Variants in PCGF2 observed in about 807,000 individuals in gnomAD.
The protein encoded by PCGF2 is polycomb group ring finger 2, also known as polycomb group RING finger protein 2.
A neutral mutation model predicts 36.1 loss-of-function variants in PCGF2; 8 were observed. That is an observed-to-expected ratio of 0.22 (90% CI 0.13 to 0.40). The LOEUF is 0.40. PCGF2 is among the 10% of genes least tolerant of loss of function. The pLI, the probability that PCGF2 is intolerant of heterozygous loss-of-function variation, is 1.00. For missense variants in PCGF2, 436 were observed against 475.9 expected (o/e 0.92, Z 0.78); for synonymous variants, 198 against 191.2 (o/e 1.04, Z -0.29).
intron 2 of PCGF2, among the ~76,000 whole-genome samples, 192 bp downstream of exon 2, chr17:38,747,687 C>A (rs1907627200): frequency 6.6e-6 from 1 of 152,202 alleles, no homozygotes; most frequent in South Asian, 2.1e-4. Context: ...AAAGCACATC[C>A]CCTTCTGCCG....
In PCGF2 at chr17:38,748,335, G is replaced by A. The variant is rs945252965; in HGVS notation, c.-273C>T. 4.8e-5 allele frequency: 7 copies of A among 145,028 alleles called. No homozygotes were observed. The highest frequency in any genetic ancestry group is 1.1e-4 in the Non-Finnish European group (7 of 65,788). The allele number at this position is 145,028 out of a possible 1,614,324, so 9.0% of individuals were successfully genotyped here. The stretch of plus-strand genomic sequence containing the variant: ...TACGGTAAGAAAGGAGTTTGTGAAA[G>A]CGGCTTGGGGTGGGAGGGAGAGGGG... On this transcript the variant is annotated 5_prime_UTR_variant, in exon 1 of 11. Transcript: ENST00000620225.
intron 2 of PCGF2, among the ~76,000 whole-genome samples, chr17:38,740,828 C>G (rs535542718): frequency 6.6e-6 from 1 of 152,208 alleles, no homozygotes; most frequent in Non-Finnish European, 1.5e-5. Flanking sequence ...CACCTCCCCC[C>G]ACCAGCACAT....
chr17:38,737,763 T>G (rs1475692934), intron 9 of PCGF2, among the ~76,000 whole-genome samples: 1 of 151,566 alleles, frequency 6.6e-6, no homozygotes, highest in African/African-American at 2.4e-5. Context: ...ACTACAAAAA[T>G]TAGCCAGGTG....
At chr17:38,735,975 C>T in intron 10 of PCGF2, 115 bp downstream of exon 10, 1 of 762,646 alleles carries the variant, frequency 1.3e-6, no homozygotes, top group Non-Finnish European at 2.2e-6. Context: ...GGACATGCAG[C>T]TCATGGGATA....
In PCGF2 at chr17:38,739,520, C is replaced by G; in HGVS notation, c.209+66G>C. 4.8e-6 allele frequency: 6 copies of G among 1,258,266 alleles called. No homozygotes were observed. The highest frequency in any genetic ancestry group is 7.0e-6 in the Non-Finnish European group (6 of 855,992). The allele number at this position is 1,258,266 out of a possible 1,614,324, so 77.9% of individuals were successfully genotyped here. A position where few individuals can be genotyped will look rare whatever the true frequency, so the allele number is the denominator to read the frequency against. The stretch of plus-strand genomic sequence containing the variant: ...CGCCTTGGCTGAAGGAAGCACGGAG[C>G]GTGGGAGGGATGGGGGAGGCTGACC... On this transcript the variant is annotated intron_variant, in intron 4 of 10. Coordinates refer to ENST00000620225, the MANE Select transcript of PCGF2 (RefSeq NM_007144.3). This position sits in a 1 kb window ranked among gnomAD's most constrained non-coding sequence, Gnocchi z 4.0.
intron 2 of PCGF2, among the ~76,000 whole-genome samples, chr17:38,745,585 T>G (rs71384269): frequency 0.013 from 1,976 of 152,346 alleles, 51 homozygotes; most frequent in African/African-American, 0.045. Context: ...ATGTGACTTG[T>G]CTAAGGTCAC....
At position 38,735,368 on chromosome 17, in the gene PCGF2, G is replaced by C. The variant is rs868824192; in HGVS notation, c.890C>G (p.Pro297Arg). Reference sequence around the variant, plus strand: ...TGTCGAAGGGGGAGTGGGGGAGGTAGGGTGGGTGGCTGGAGGCCCATGGGA... The same window carrying C: ...TGTCGAAGGGGGAGTGGGGGAGGTACGGTGGGTGGCTGGAGGCCCATGGGA... ...PSSHGPPATHPTSPTPPSTAS... is the reference protein window; with the variant it reads ...PSSHGPPATHRTSPTPPSTAS... The change falls in exon 11 of 11, where the codon CCT becomes CGT. Residue 297 changes from proline to arginine, a missense_variant. Pro to Arg is a moderately radical substitution (Grantham distance 103, BLOSUM62 -2). Transcript: ENST00000620225. 2.6e-6 allele frequency: 4 copies of C among 1,563,472 alleles called. No individual in the cohort carries two copies. In the Middle Eastern group the frequency reaches 6.7e-4, roughly 261 times the overall value.
In PCGF2 at chr17:38,739,305, G is replaced by A. The variant is rs185769246; in HGVS notation, c.210-52C>T. ...AGCAATGCCTTCTCCAGAGCGCTCCGACCTCGCCCTGCTCTCCCAGCCAGG... is the reference window on the plus strand; with the variant it reads ...AGCAATGCCTTCTCCAGAGCGCTCCAACCTCGCCCTGCTCTCCCAGCCAGG... On this transcript the variant is annotated intron_variant, in intron 4 of 10. Coordinates refer to ENST00000620225, the MANE Select transcript of PCGF2 (RefSeq NM_007144.3). This position sits in a 1 kb window ranked among gnomAD's most constrained non-coding sequence, Gnocchi z 4.0. 42 of 1,523,332 alleles carry A rather than the reference G, an allele frequency of 2.8e-5. No homozygotes were observed. The East Asian group carries it at 3.1e-4, about 11-fold the overall frequency. 94.4% of individuals were successfully genotyped at this position (1,523,332 alleles called of 1,614,324 possible).
chr17:38,735,296 A>G lies in PCGF2; in HGVS notation c.962T>C (p.Leu321Pro). ...CCTGCTGGTGGAGGATGGTGTCTGC[A>G]GGCAGTTCAAGCTACCCCCGTTGGC... is the stretch of plus-strand genomic sequence containing the variant. Reference protein sequence around the residue: ...TAANGGSLNCLQTPSSTSRGR... With the variant: ...TAANGGSLNCPQTPSSTSRGR... The change falls in exon 11 of 11, where the codon CTG becomes CCG. Residue 321 changes from leucine (L) to proline (P), a missense_variant. Leu to Pro is a moderately conservative substitution (Grantham distance 98). Transcript: ENST00000620225. 5 of 1,508,376 alleles carry G rather than the reference A, an allele frequency of 3.3e-6. No individual in the cohort carries two copies. Among genetic ancestry groups the G allele is most frequent in the Non-Finnish European group, 4.5e-6 (5 of 1,119,544 alleles). 93.4% of individuals were successfully genotyped at this position (1,508,376 alleles called of 1,614,324 possible).
At chr17:38,736,590 T>C (rs1035716513) in intron 9 of PCGF2, among the ~76,000 whole-genome samples, 2 of 152,148 alleles carry the variant, frequency 1.3e-5, no homozygotes, top group South Asian at 4.1e-4. Flanking sequence ...ATCCCAGCAC[T>C]TTGGGAGGCC....
intron 2 of PCGF2, among the ~76,000 whole-genome samples, chr17:38,746,924 G>A (rs749380958): frequency 2.0e-5 from 3 of 152,136 alleles, no homozygotes; most frequent in Non-Finnish European, 4.4e-5. Flanking sequence ...GGGGAGGGAG[G>A]AGAGAAATTA....
chr17:38,745,377 G>A (rs111858972), intron 2 of PCGF2, among the ~76,000 whole-genome samples: 21 of 152,062 alleles, frequency 1.4e-4, no homozygotes, highest in South Asian at 2.1e-4. Context: ...ATGGTGGCAG[G>A]CGCCTGTAAT....
chr17:38,742,632 G>A (rs1045576719), intron 2 of PCGF2, among the ~76,000 whole-genome samples: 1 of 152,152 alleles, frequency 6.6e-6, no homozygotes, highest in East Asian at 1.9e-4. Context: ...TCCCTGCATG[G>A]GTCCCCCCTT....
chr17:38,736,829 G>A (rs765216809), intron 9 of PCGF2, among the ~76,000 whole-genome samples: 3 of 149,984 alleles, frequency 2.0e-5, no homozygotes, highest in Non-Finnish European at 4.4e-5. Context: ...GCGAGACTCC[G>A]TCTCAAAAAA....
Position 38,740,508 on chromosome 17 carries a change from C to G in PCGF2, c.-40-66G>C, listed in dbSNP as rs1246169735. ...GGCGCGGTGGTTCACGCCTGTAATC[C>G]CAGCACTTTGGGAGGCCAAGGCGGG... is the stretch of plus-strand genomic sequence containing the variant. On this transcript the variant is annotated intron_variant, in intron 2 of 10. Transcript: ENST00000620225. 4 of 1,268,336 alleles carry G rather than the reference C, an allele frequency of 3.2e-6. No homozygotes were observed. In the African/African-American group the frequency reaches 4.5e-5, roughly 14 times the overall value. The allele number at this position is 1,268,336 out of a possible 1,614,324, so 78.6% of individuals were successfully genotyped here.
chr17:38,737,334 G>A (rs1024521069), intron 9 of PCGF2, among the ~76,000 whole-genome samples: 25 of 151,844 alleles, frequency 1.6e-4, no homozygotes, highest in African/African-American at 6.1e-4. Context: ...GTGGTGGCAT[G>A]TACCTGTAGT....
intron 9 of PCGF2, 62 bp downstream of exon 9, chr17:38,738,291 G>A (rs1321233190): frequency 5.1e-6 from 7 of 1,372,028 alleles, no homozygotes; most frequent in African/African-American, 1.4e-5. Flanking sequence ...TGGCTGGGCT[G>A]CACAGACTGT....
At chr17:38,741,492 C>T (rs1488150325) in intron 2 of PCGF2, among the ~76,000 whole-genome samples, 1 of 152,112 alleles carries the variant, frequency 6.6e-6, no homozygotes, top group South Asian at 2.1e-4. Flanking sequence ...GTCCCAGCCT[C>T]CTATCTACTC....
Position 38,738,543 on chromosome 17 carries a change from T to G in PCGF2, c.478A>C (p.Lys160Gln). 6.2e-7 allele frequency: 1 copy of G among 1,603,618 alleles called. No individual in the cohort carries two copies. The change falls in exon 8 of 11, where the codon AAA becomes CAA. Residue 160 changes from lysine (K) to glutamine (Q), a missense_variant and splice_region_variant. Physicochemically the swap from Lys to Gln is moderately conservative, Grantham distance 53. Coordinates refer to ENST00000620225, the MANE Select transcript of PCGF2 (RefSeq NM_007144.3). The stretch of plus-strand genomic sequence containing the variant: ...CCTGGGCAGGCCCCAGCACTCACTT[T>G]CTCTTTGTCCCCATCCCCATTCTCC... Reference protein sequence around the residue: ...PLENGDGDKEKTGVRFLRCPA... With the variant: ...PLENGDGDKEQTGVRFLRCPA...
Sources: allele counts gnomAD v4.1 joint callset (sites outside exome capture counted in the v4.1 genomes callset), GRCh38; gene constraint gnomAD v4.1.1; non-coding constraint Gnocchi (gnomAD v3.1); transcripts MANE v1.5; gene names NCBI Gene and HGNC (gene_info 2026-07-23, HGNC 2026-07-21).